The following PARL variants were observed in gnomAD, a reference collection of about 807,000 sequenced individuals.
PARL encodes the protein presenilin-associated rhomboid-like protein, mitochondrial.
In PARL, 44 loss-of-function variants were observed where a neutral mutation model predicts 51.6. The observed-to-expected ratio is 0.85, with a 90% CI of 0.67 to 1.10. The LOEUF is 1.10. Ranked by LOEUF, PARL falls within the 50% of genes least tolerant of loss-of-function variation. The probability of loss-of-function intolerance (pLI) is 0.00; values close to 1 mark genes in which losing one functional copy is unlikely to be tolerated. For synonymous variants in PARL, 172 were observed against 164.0 expected (o/e 1.05, Z -0.37); for missense variants, 441 against 469.5 (o/e 0.94, Z 0.56).
chr3:183,839,326 G>T (rs546880715), intron 7 of PARL, among the ~76,000 whole-genome samples: 1 of 152,276 alleles, frequency 6.6e-6, no homozygotes, highest in African/African-American at 2.4e-5. Context: ...AGTACAAACT[G>T]AATGTGTAAG....
chr3:183,860,380 G>A (rs1731674499), intron 4 of PARL, among the ~76,000 whole-genome samples: 1 of 152,226 alleles, frequency 6.6e-6, no homozygotes, highest in African/African-American at 2.4e-5. Flanking sequence ...AAAAGTCTGA[G>A]GTGACACAAG....
At chr3:183,868,154 A>C in intron 1 of PARL, 94 bp from the exon 2 acceptor site, 4 of 886,064 alleles carry the variant, frequency 4.5e-6, no homozygotes, top group Non-Finnish European at 5.6e-6. Flanking sequence ...TCACCATCTC[A>C]ATTTATTCTC....
chr3:183,853,604 A>G (rs1219335720), intron 4 of PARL, among the ~76,000 whole-genome samples: 2 of 152,190 alleles, frequency 1.3e-5, no homozygotes, highest in South Asian at 4.1e-4. Flanking sequence ...AAAAAATCAA[A>G]TAACTCGAGT....
At chr3:183,876,408 C>G (rs1241852027) in intron 1 of PARL, among the ~76,000 whole-genome samples, 1 of 151,976 alleles carries the variant, frequency 6.6e-6, no homozygotes, top group Admixed American at 6.6e-5. Flanking sequence ...AGATTCCTTT[C>G]AAAATACTAC....
chr3:183,853,024 ACTC>A (rs901330510), intron 4 of PARL, among the ~76,000 whole-genome samples: 56 of 152,236 alleles, frequency 3.7e-4, no homozygotes, highest in African/African-American at 1.3e-3. Context: ...CAACTATAAA[ACTC>A]CTAGAAGAAA....
At position 183,833,569 on chromosome 3, in the gene PARL, G is replaced by A. The variant is rs1728201222; in HGVS notation, c.951C>T (p.Ala317=). 6.2e-7 allele frequency: 1 copy of A among 1,613,258 alleles called. No homozygotes were observed. Among genetic ancestry groups the A allele is most frequent in the African/African-American group, 1.3e-5 (1 of 74,890 alleles). ...CCAGGATCATTCCTGCTGTATCCAT[G>A]GCGATAATGGCTTTCAGGGCCTGAA... is the stretch of plus-strand genomic sequence containing the variant. The part of the protein sequence containing the change: ...TAGNALKAII[A]MDTAGMILGW... The change falls in exon 9 of 10, where the codon GCC becomes GCT. Residue 317 remains alanine, a synonymous_variant. Transcript: ENST00000317096.
intron 4 of PARL, chr3:183,846,560 C>T: frequency 1.0e-6 from 1 of 984,724 alleles, no homozygotes; most frequent in Non-Finnish European, 1.2e-6. Context: ...AGAGTTAACA[C>T]TGCTAAGTTT....
At chr3:183,872,480 T>C (rs780411059) in intron 1 of PARL, among the ~76,000 whole-genome samples, 1 of 152,236 alleles carries the variant, frequency 6.6e-6, no homozygotes. Flanking sequence ...AGTAAGTTCA[T>C]CTATTTTGGA....
In PARL at chr3:183,882,322, T is replaced by C. The variant is rs199966074; in HGVS notation, c.125+2400A>G. On this transcript the variant is annotated intron_variant, in intron 1 of 9. Transcript: ENST00000317096. ...ATATACACACACATATATACACACA[T>C]ATATACACATATATACACACACATA... 3.3e-3 allele frequency among the ~76,000 whole-genome samples: 150 copies of C among 45,760 alleles called. 6 individuals are homozygous for C. The highest frequency in any genetic ancestry group is 8.3e-3 in the African/African-American group (142 of 17,048). 30.0% of individuals were successfully genotyped at this position (45,760 alleles called of 152,430 possible).
chr3:183,836,409 C>G (rs1270616651), intron 7 of PARL, among the ~76,000 whole-genome samples: 2 of 151,986 alleles, frequency 1.3e-5, no homozygotes, highest in Non-Finnish European at 2.9e-5. Context: ...CTAGAATTTT[C>G]TCGATGTGGC....
At chr3:183,878,349 C>T (rs1400916496) in intron 1 of PARL, among the ~76,000 whole-genome samples, 5 of 152,130 alleles carry the variant, frequency 3.3e-5, no homozygotes, top group Admixed American at 1.3e-4. Flanking sequence ...CAAACTAAGC[C>T]GCAAGTCCAA....
intron 4 of PARL, among the ~76,000 whole-genome samples, chr3:183,850,335 A>G (rs1168934760): frequency 6.6e-6 from 1 of 152,176 alleles, no homozygotes; most frequent in Non-Finnish European, 1.5e-5. Flanking sequence ...TTACAGGTGC[A>G]TCACTCCAAT....
At chr3:183,858,906 A>C (rs1407539117) in intron 4 of PARL, among the ~76,000 whole-genome samples, 2 of 151,724 alleles carry the variant, frequency 1.3e-5, no homozygotes, top group African/African-American at 2.4e-5. Flanking sequence ...AAAAATTAAG[A>C]CCAAAAAAAA....
intron 7 of PARL, among the ~76,000 whole-genome samples, chr3:183,839,326 G>A (rs546880715): frequency 2.0e-5 from 3 of 152,158 alleles, no homozygotes; most frequent in Non-Finnish European, 4.4e-5. Context: ...AGTACAAACT[G>A]AATGTGTAAG....
At chr3:183,862,596 C>T (rs1731963985) in intron 4 of PARL, 157 bp downstream of exon 4, 1 of 659,842 alleles carries the variant, frequency 1.5e-6, no homozygotes, top group Non-Finnish European at 2.8e-6. Flanking sequence ...CTTTATACCT[C>T]ACCACTTTAT....
At chr3:183,871,130 G>C (rs1733141853) in intron 1 of PARL, among the ~76,000 whole-genome samples, 1 of 152,134 alleles carries the variant, frequency 6.6e-6, no homozygotes, top group South Asian at 2.1e-4. Flanking sequence ...ATCAAAAAAT[G>C]ATTAAGCTTT....
At chr3:183,858,666 G>C (rs755691582) in intron 4 of PARL, among the ~76,000 whole-genome samples, 1 of 152,164 alleles carries the variant, frequency 6.6e-6, no homozygotes, top group African/African-American at 2.4e-5. Flanking sequence ...AAAGGGAGGA[G>C]AAAATATTCT....
intron 1 of PARL, among the ~76,000 whole-genome samples, chr3:183,882,290 C>G (rs1241096172): frequency 1.1e-5 from 1 of 92,132 alleles, no homozygotes; most frequent in Admixed American, 1.3e-4. Flanking sequence ...TATACACACA[C>G]ACATATATAT....
chr3:183,874,401 T>C (rs1054318433), intron 1 of PARL, among the ~76,000 whole-genome samples: 9 of 143,310 alleles, frequency 6.3e-5, no homozygotes, highest in Admixed American at 3.0e-4. Flanking sequence ...TTGAAATCAT[T>C]AGAAATAATC....
Sources: allele counts gnomAD v4.1 joint callset (sites outside exome capture counted in the v4.1 genomes callset), GRCh38; gene constraint gnomAD v4.1.1; transcripts MANE v1.5; gene names NCBI Gene and HGNC (gene_info 2026-07-23, HGNC 2026-07-21).